The following KDM4B variants were observed in gnomAD, a reference collection of about 807,000 sequenced individuals.
KDM4B encodes lysine-specific demethylase 4B.
KDM4B carries 32 observed loss-of-function variants against 125.2 expected under a neutral mutation model. That is an observed-to-expected ratio of 0.26 (90% CI 0.19 to 0.34). KDM4B has a LOEUF of 0.34. Among genes scored for constraint, KDM4B ranks in the 10% least tolerant of loss-of-function variants. The pLI is 1.00. For missense variants in KDM4B, 1,190 were observed against 1,577.7 expected, an observed-to-expected ratio of 0.75 and a Z score of 4.16; for synonymous variants, 721 against 677.9, an observed-to-expected ratio of 1.06 and a Z score of -0.99.
At position 5,114,131 on chromosome 19, in the gene KDM4B, G is replaced by C; in HGVS notation, c.1115+3313G>C. 1 of 1,289,328 alleles carries C rather than the reference G, an allele frequency of 7.8e-7. No homozygotes were observed. Among genetic ancestry groups the C allele is most frequent in the South Asian group, 1.2e-5 (1 of 81,002 alleles). The allele number at this position is 1,289,328 out of a possible 1,614,324, so 79.9% of individuals were successfully genotyped here. On this transcript the variant is annotated intron_variant, in intron 10 of 22. Coordinates refer to ENST00000159111, the MANE Select transcript of KDM4B (RefSeq NM_015015.3). The surrounding 1 kb of genome is among the most constrained non-coding windows in gnomAD (Gnocchi z 5.8). Reference sequence around the variant, plus strand: ...GCGTTCTGGTGCCCTGCCTGAGCCGGAGCCCTCACAGTGCTCTCTGGCACC... The same window carrying C: ...GCGTTCTGGTGCCCTGCCTGAGCCGCAGCCCTCACAGTGCTCTCTGGCACC...
Position 5,079,149 on chromosome 19 carries a change from A to G in KDM4B, c.780+1679A>G, listed in dbSNP as rs540929392. 2.6e-5 allele frequency: 4 copies of G among 152,312 alleles called. No homozygotes were observed. The South Asian group carries it at 8.3e-4, about 32-fold the overall frequency. The allele number at this position is 152,312 out of a possible 1,614,324, so 9.4% of individuals were successfully genotyped here. On this transcript the variant is annotated intron_variant, in intron 8 of 22. Coordinates refer to ENST00000159111, the MANE Select transcript of KDM4B (RefSeq NM_015015.3). ...TCAATAGCAGAGCTTTTTAATAATTAAAAGTGTGTACTTCTGTAATCTGCC... is the reference window on the plus strand; with the variant it reads ...TCAATAGCAGAGCTTTTTAATAATTGAAAGTGTGTACTTCTGTAATCTGCC...
chr19:5,066,482 TTTTG>T (rs1442098341), intron 6 of KDM4B, among the ~76,000 whole-genome samples: 1 of 152,048 alleles, frequency 6.6e-6, no homozygotes, highest in Admixed American at 6.5e-5. Context: ...TGGACCATCA[TTTTG>T]TTTGTTAACC....
At chr19:5,126,897 G>A (rs1047444047) in intron 11 of KDM4B, among the ~76,000 whole-genome samples, 26 of 152,242 alleles carry the variant, frequency 1.7e-4, no homozygotes, top group African/African-American at 5.8e-4. Flanking sequence ...CTGGTGAGTT[G>A]ATCTCGGCAG....
intron 11 of KDM4B, 127 bp from the exon 12 acceptor site, chr19:5,130,949 C>T (rs1447024651): frequency 1.7e-5 from 12 of 686,008 alleles, no homozygotes; most frequent in South Asian, 4.4e-5. Flanking sequence ...CACCCATGTT[C>T]GTGTGGCCTC....
chr19:5,111,650 C>A, intron 10 of KDM4B: 1 of 705,256 alleles, frequency 1.4e-6, no homozygotes, highest in South Asian at 1.5e-5. Context: ...TGTTTGGTGC[C>A]CAAGGAACAT....
chr19:5,037,635 T>C (rs1171211296), intron 3 of KDM4B, among the ~76,000 whole-genome samples: 1 of 152,192 alleles, frequency 6.6e-6, no homozygotes, highest in Non-Finnish European at 1.5e-5. Context: ...TTAGTGTTTC[T>C]CTTCGCTTGG....
At chr19:4,993,703 T>G (rs2145392413) in intron 1 of KDM4B, among the ~76,000 whole-genome samples, 1 of 150,506 alleles carries the variant, frequency 6.6e-6, no homozygotes, top group Non-Finnish European at 1.5e-5. Context: ...CTCAGCCTCC[T>G]GGGCTCAAGT....
chr19:4,990,496 C>G (rs73538579), intron 1 of KDM4B, among the ~76,000 whole-genome samples: 1 of 152,084 alleles, frequency 6.6e-6, no homozygotes, highest in African/African-American at 2.4e-5. Context: ...GGCAGCGTGG[C>G]GAGGAGATGG....
intron 1 of KDM4B, among the ~76,000 whole-genome samples, chr19:4,986,038 T>G (rs2034819285): frequency 6.6e-6 from 1 of 152,174 alleles, no homozygotes; most frequent in African/African-American, 2.4e-5. Flanking sequence ...CTGAAAGAGA[T>G]CATCTTGGGA....
intron 11 of KDM4B, among the ~76,000 whole-genome samples, chr19:5,123,909 C>T (rs1169091424): frequency 6.7e-6 from 1 of 149,478 alleles, no homozygotes; most frequent in Non-Finnish European, 1.5e-5. Context: ...CCAAGGGGGA[C>T]TGTGGGATGT....
rs529646071 is a variant in KDM4B at position 5,072,544 on chromosome 19, G to A, written c.676+1485G>A. Among the ~76,000 whole-genome samples, 33 of 152,324 alleles carry A rather than the reference G, an allele frequency of 2.2e-4. 1 individual carries two copies. In the South Asian group the frequency reaches 6.6e-3, roughly 31 times the overall value. On this transcript the variant is annotated intron_variant, in intron 7 of 22. Coordinates refer to ENST00000159111, the MANE Select transcript of KDM4B (RefSeq NM_015015.3). Reference sequence around the variant, plus strand: ...ACAGACAGGCCGTAGCAAAGGTCCAGCTCACTTACATACTAAAGCTGTGAA... The same window carrying A: ...ACAGACAGGCCGTAGCAAAGGTCCAACTCACTTACATACTAAAGCTGTGAA...
At chr19:5,101,144 C>T (rs1381401059) in intron 9 of KDM4B, among the ~76,000 whole-genome samples, 2 of 151,102 alleles carry the variant, frequency 1.3e-5, no homozygotes, top group Non-Finnish European at 2.9e-5. Flanking sequence ...ATCACTTGAA[C>T]CCAGGAGGCA....
chr19:5,113,979 A>G, intron 10 of KDM4B: 2 of 1,243,546 alleles, frequency 1.6e-6, no homozygotes, highest in Admixed American at 2.6e-5. Context: ...GGTCTCTTCC[A>G]GAACTAAATC....
chr19:5,019,686 AGGTGTTGGTGTG>A (rs1298428195), intron 2 of KDM4B, among the ~76,000 whole-genome samples: 32 of 114,932 alleles, frequency 2.8e-4, no homozygotes, highest in African/African-American at 9.0e-4. Context: ...GTTGGTGTGC[AGGTGTTGGTGTG>A]GGTGTTGGTG....
chr19:5,022,344 G>T (rs1007628642), intron 2 of KDM4B, among the ~76,000 whole-genome samples: 3 of 152,176 alleles, frequency 2.0e-5, no homozygotes, highest in Non-Finnish European at 4.4e-5. Context: ...TCTTGGGTAC[G>T]TAGGGCACAG....
In KDM4B at chr19:5,081,635, G is replaced by A. The variant is rs2038298019; in HGVS notation, c.781-732G>A. Reference sequence around the variant, plus strand: ...ATCCGAATTGGACCTGGGTCTGGAAGCATTGGCCCGCTCTCCAGGGTGCTG... The same window carrying A: ...ATCCGAATTGGACCTGGGTCTGGAAACATTGGCCCGCTCTCCAGGGTGCTG... On this transcript the variant is annotated intron_variant, in intron 8 of 22. Coordinates refer to ENST00000159111, the MANE Select transcript of KDM4B (RefSeq NM_015015.3). This position sits in a 1 kb window ranked among gnomAD's most constrained non-coding sequence, Gnocchi z 4.2. Among the ~76,000 whole-genome samples, 1 of 152,188 alleles carries A rather than the reference G, an allele frequency of 6.6e-6. No homozygotes were observed. The highest frequency in any genetic ancestry group is 2.1e-4 in the South Asian group (1 of 4,830).
intron 1 of KDM4B, among the ~76,000 whole-genome samples, chr19:4,991,520 C>G (rs1392303759): frequency 1.3e-5 from 2 of 152,186 alleles, no homozygotes; most frequent in African/African-American, 4.8e-5. Flanking sequence ...TTTCCCTAGG[C>G]TTCACCCTGC....
In KDM4B at chr19:4,983,424, C is replaced by T. The variant is rs1036081774; in HGVS notation, c.-109+14194C>T. 7.3e-4 allele frequency among the ~76,000 whole-genome samples: 111 copies of T among 152,338 alleles called. 1 individual carries two copies. Among genetic ancestry groups the T allele is most frequent in the African/African-American group, 2.3e-3 (95 of 41,580 alleles). On this transcript the variant is annotated intron_variant, in intron 1 of 22. Transcript: ENST00000159111. ...GACATTCACCAGCAATGGCAGGACA[C>T]GCTGCGACAGGTGCGGCTGAAGAAG...
At chr19:5,068,604 T>C (rs1019793600) in intron 6 of KDM4B, among the ~76,000 whole-genome samples, 1 of 152,240 alleles carries the variant, frequency 6.6e-6, no homozygotes, top group Non-Finnish European at 1.5e-5. Flanking sequence ...GGGAGGCAGG[T>C]CTGCCAGCAT....
Sources: allele counts gnomAD v4.1 joint callset (sites outside exome capture counted in the v4.1 genomes callset), GRCh38; gene constraint gnomAD v4.1.1; non-coding constraint Gnocchi (gnomAD v3.1); transcripts MANE v1.5; gene names NCBI Gene and HGNC (gene_info 2026-07-23, HGNC 2026-07-21).